Variants in CNTN5 observed in about 807,000 individuals in gnomAD.
The protein encoded by CNTN5 is contactin 5.
A neutral mutation model predicts 129.1 loss-of-function variants in CNTN5; 77 were observed. That is an observed-to-expected ratio of 0.60 (90% CI 0.50 to 0.72). The LOEUF (loss-of-function observed/expected upper bound fraction) is 0.72, where lower values mean the gene tolerates loss of function less well. Ranked by LOEUF, CNTN5 falls within the 30% of genes least tolerant of loss-of-function variation. CNTN5 has a pLI of 0.00. For synonymous variants in CNTN5, 509 were observed against 465.6 expected (o/e 1.09, Z -1.20); for missense variants, 1,478 against 1,328.8 (o/e 1.11, Z -1.75).
chr11:99,792,330 C>T (rs1591188345), intron 3 of CNTN5, among the ~76,000 whole-genome samples: 1 of 152,078 alleles, frequency 6.6e-6, no homozygotes, highest in East Asian at 1.9e-4. Context: ...TTATCAAAAG[C>T]CTTTTCTGTA....
At chr11:99,222,166 T>C (rs1020183092) in intron 1 of CNTN5, among the ~76,000 whole-genome samples, 16 of 152,004 alleles carry the variant, frequency 1.1e-4, no homozygotes, top group Non-Finnish European at 2.2e-4. Flanking sequence ...TTGCATTTTA[T>C]AAATGTGTAA....
intron 3 of CNTN5, among the ~76,000 whole-genome samples, chr11:99,709,097 G>A (rs536605076): frequency 1.3e-5 from 2 of 151,710 alleles, no homozygotes; most frequent in Non-Finnish European, 2.9e-5. Context: ...AATTTCTTAT[G>A]TAGCTAAGCT....
intron 13 of CNTN5, among the ~76,000 whole-genome samples, chr11:100,104,620 T>C (rs1243163748): frequency 6.6e-6 from 1 of 152,106 alleles, no homozygotes; most frequent in African/African-American, 2.4e-5. Context: ...AACAGTTAAC[T>C]TTACATGGGT....
intron 15 of CNTN5, among the ~76,000 whole-genome samples, chr11:100,223,371 G>A (rs1949306821): frequency 6.6e-6 from 1 of 152,102 alleles, no homozygotes; most frequent in Non-Finnish European, 1.5e-5. Context: ...ATAGTATATA[G>A]TAATTCACTG....
At chr11:99,232,679 T>C (rs1175618238) in intron 1 of CNTN5, among the ~76,000 whole-genome samples, 1 of 152,072 alleles carries the variant, frequency 6.6e-6, no homozygotes, top group African/African-American at 2.4e-5. Flanking sequence ...GATCTTAAAC[T>C]ATTTTAAGTT....
At chr11:99,643,574 T>G (rs1199224233) in intron 3 of CNTN5, among the ~76,000 whole-genome samples, 1 of 152,150 alleles carries the variant, frequency 6.6e-6, no homozygotes, top group Non-Finnish European at 1.5e-5. Flanking sequence ...TAAATTGCAA[T>G]GCATAAAACA....
intron 3 of CNTN5, among the ~76,000 whole-genome samples, chr11:99,625,515 A>G: frequency 6.6e-6 from 1 of 152,148 alleles, no homozygotes; most frequent in East Asian, 1.9e-4. Flanking sequence ...GAAAAAGGAA[A>G]TGTCAATTTT....
intron 2 of CNTN5, among the ~76,000 whole-genome samples, chr11:99,360,205 C>T (rs1470410261): frequency 6.6e-6 from 1 of 152,172 alleles, no homozygotes; most frequent in Admixed American, 6.5e-5. Flanking sequence ...CCAGCCTTGC[C>T]ACTTTGGCTT....
intron 7 of CNTN5, among the ~76,000 whole-genome samples, chr11:99,949,570 G>A (rs779609468): frequency 6.6e-5 from 10 of 152,100 alleles, no homozygotes; most frequent in Non-Finnish European, 1.5e-4. Context: ...CTTGCACACT[G>A]TTGAGTAAAC....
At chr11:99,309,571 G>GT in intron 1 of CNTN5, among the ~76,000 whole-genome samples, 1 of 152,282 alleles carries the variant, frequency 6.6e-6, no homozygotes, top group Non-Finnish European at 1.5e-5. Flanking sequence ...AAGGATCTAA[G>GT]AAATATTTTC....
intron 2 of CNTN5, among the ~76,000 whole-genome samples, chr11:99,460,238 A>C (rs1944643865): frequency 6.6e-6 from 1 of 151,746 alleles, no homozygotes; most frequent in Admixed American, 6.6e-5. Flanking sequence ...TTATCTCTTA[A>C]ATAGAAATTT....
intron 24 of CNTN5, among the ~76,000 whole-genome samples, chr11:100,352,034 A>C (rs1952427735): frequency 6.6e-6 from 1 of 151,692 alleles, no homozygotes; most frequent in Non-Finnish European, 1.5e-5. Flanking sequence ...TTTTAAGTTC[A>C]GGGGTACATG....
At chr11:99,082,921 G>T (rs888276116) in intron 1 of CNTN5, among the ~76,000 whole-genome samples, 1 of 151,978 alleles carries the variant, frequency 6.6e-6, no homozygotes, top group South Asian at 2.1e-4. Context: ...AGGGAAATAC[G>T]CCAGAATCTT....
intron 7 of CNTN5, among the ~76,000 whole-genome samples, chr11:99,937,766 C>G (rs752431178): frequency 1.3e-5 from 2 of 152,160 alleles, no homozygotes; most frequent in East Asian, 3.9e-4. Flanking sequence ...GGAAAGTACT[C>G]TAGTAGCAGC....
chr11:100,207,862 A>C (rs187813629), intron 15 of CNTN5, among the ~76,000 whole-genome samples: 1 of 152,316 alleles, frequency 6.6e-6, no homozygotes, highest in Admixed American at 6.5e-5. Flanking sequence ...TTTCAATATC[A>C]TATGACAATA....
At chr11:99,900,124 C>T (rs140455653) in intron 6 of CNTN5, among the ~76,000 whole-genome samples, 46 of 151,068 alleles carry the variant, frequency 3.0e-4, no homozygotes, top group Non-Finnish European at 5.9e-4. Flanking sequence ...GCCCAACTAG[C>T]GTTCTATGAA....
chr11:99,921,026 A>T (rs769019445), intron 7 of CNTN5, among the ~76,000 whole-genome samples: 15 of 152,144 alleles, frequency 9.9e-5, no homozygotes, highest in Non-Finnish European at 2.1e-4. Flanking sequence ...AAAACAAAGA[A>T]GGTGTCCATC....
intron 6 of CNTN5, among the ~76,000 whole-genome samples, chr11:99,864,626 C>G (rs1016512394): frequency 5.3e-5 from 8 of 152,062 alleles, no homozygotes; most frequent in African/African-American, 1.9e-4. Flanking sequence ...GATCTCGGCT[C>G]TGATACCATT....
intron 1 of CNTN5, among the ~76,000 whole-genome samples, chr11:99,153,815 C>CTTT (rs60782977): frequency 5.0e-4 from 52 of 103,326 alleles, no homozygotes; most frequent in African/African-American, 1.6e-3. Flanking sequence ...CTTTGAATGG[C>CTTT]TTTTTTTTTT....
Sources: allele counts gnomAD v4.1 joint callset (sites outside exome capture counted in the v4.1 genomes callset), GRCh38; gene constraint gnomAD v4.1.1; transcripts MANE v1.5; gene names NCBI Gene and HGNC (gene_info 2026-07-23, HGNC 2026-07-21).